Variants in TGM3 observed in about 807,000 individuals in gnomAD.
The protein encoded by TGM3 is transglutaminase 3, also known as protein-glutamine gamma-glutamyltransferase E.
In TGM3, 52 loss-of-function variants were observed where a neutral mutation model predicts 73.8. That is an observed-to-expected ratio of 0.70 (90% CI 0.56 to 0.89). The LOEUF is 0.89. TGM3 is among the 40% of genes least tolerant of loss of function. The pLI is 0.00. For missense variants in TGM3, 928 were observed against 909.9 expected (o/e 1.02, Z -0.26); for synonymous variants, 372 against 354.9 (o/e 1.05, Z -0.54).
At position 2,325,911 on chromosome 20, in the gene TGM3, G is replaced by A. The variant is rs750786507; in HGVS notation, c.1046G>A (p.Gly349Glu). The A allele has an allele frequency of 8.8e-6, 14 of 1,594,882 alleles. 1 individual carries two copies. Among genetic ancestry groups the A allele is most frequent in the Non-Finnish European group, 1.0e-5 (12 of 1,169,632 alleles). Residue 349 changes from glycine (G) to glutamate (E), a missense_variant, in exon 8 of 13, where the codon GGA becomes GAA. Coordinates refer to ENST00000381458, the MANE Select transcript of TGM3 (RefSeq NM_003245.4). The part of the protein sequence containing the change: ...VRSDLGPSYG[G>E]WQVLDATPQE... Reference sequence around the variant, plus strand: ...TCTGACCTGGGCCCCTCGTACGGTGGATGGCAGGTGTTGGATGCTACCCCG... The same window carrying A: ...TCTGACCTGGGCCCCTCGTACGGTGAATGGCAGGTGTTGGATGCTACCCCG...
intron 7 of TGM3, among the ~76,000 whole-genome samples, chr20:2,319,709 C>T (rs1366065466): frequency 6.6e-6 from 1 of 152,124 alleles, no homozygotes; most frequent in Non-Finnish European, 1.5e-5. Context: ...CCCTTCCTCT[C>T]CCCTTTTCTG....
At chr20:2,325,449 G>A (rs1262614238) in intron 7 of TGM3, among the ~76,000 whole-genome samples, 3 of 152,126 alleles carry the variant, frequency 2.0e-5, no homozygotes, top group Admixed American at 6.5e-5. Context: ...AGCATACCCC[G>A]CCAGGCAGAG....
rs77596395 is a variant in TGM3 at position 2,339,850 on chromosome 20, A to G, written c.1801-4A>G. ...CCTGACTCGGCAGCCCCTCTCCCCCATAGGTGCTGAACGAGGCTCGTGTGC... is the reference window on the plus strand; with the variant it reads ...CCTGACTCGGCAGCCCCTCTCCCCCGTAGGTGCTGAACGAGGCTCGTGTGC... On this transcript the variant is annotated splice_polypyrimidine_tract_variant and splice_region_variant and intron_variant, in intron 11 of 12. Transcript: ENST00000381458. 17 of 1,613,850 alleles carry G rather than the reference A, an allele frequency of 1.1e-5. No individual in the cohort carries two copies. Among genetic ancestry groups the G allele is most frequent in the Non-Finnish European group, 1.2e-5 (14 of 1,179,972 alleles).
chr20:2,306,217 CCT>C (rs776787012), intron 1 of TGM3, among the ~76,000 whole-genome samples: 1 of 152,082 alleles, frequency 6.6e-6, no homozygotes, highest in Non-Finnish European at 1.5e-5. Flanking sequence ...GTACCCCGCC[CCT>C]CTTTCCTTAC....
Position 2,339,940 on chromosome 20 carries a change from G to A in TGM3, c.1887G>A (p.Val629=). The A allele has an allele frequency of 6.2e-7, 1 of 1,612,272 alleles. No individual in the cohort carries two copies. The highest frequency in any genetic ancestry group is 8.5e-7 in the Non-Finnish European group (1 of 1,179,090). ...TGGATGAGCCGGTGAGGGACTGCGT[G>A]CTGATGGTGGAGGGAAGCGGCCTGC... ...NPLDEPVRDC[V]LMVEGSGLLL... The change falls in exon 12 of 13, where the codon GTG becomes GTA. Residue 629 remains valine (V), a synonymous_variant. Coordinates refer to ENST00000381458, the MANE Select transcript of TGM3 (RefSeq NM_003245.4).
chr20:2,312,421 A>AG (rs1555794460), intron 4 of TGM3, among the ~76,000 whole-genome samples: 3 of 143,146 alleles, frequency 2.1e-5, no homozygotes, highest in African/African-American at 5.6e-5. Context: ...AAAAAAAAAA[A>AG]GGATGGGAGG....
intron 1 of TGM3, among the ~76,000 whole-genome samples, chr20:2,307,783 C>T (rs1232631751): frequency 6.6e-6 from 1 of 152,102 alleles, no homozygotes; most frequent in Non-Finnish European, 1.5e-5. Flanking sequence ...ATTCACTTTT[C>T]CTTGTAGACT....
intron 1 of TGM3, among the ~76,000 whole-genome samples, chr20:2,298,306 C>A (rs1346497630): frequency 2.0e-5 from 3 of 152,152 alleles, no homozygotes; most frequent in African/African-American, 7.2e-5. Context: ...CACCAAGTGG[C>A]CTGGCATCCC....
chr20:2,310,866 A>C, intron 3 of TGM3, 145 bp from the exon 4 acceptor site: 1 of 696,590 alleles, frequency 1.4e-6, no homozygotes, highest in South Asian at 1.7e-5. Context: ...GAGTTGGAAG[A>C]GTTACAGCCC....
At chr20:2,326,400 G>C (rs905191518) in intron 8 of TGM3, among the ~76,000 whole-genome samples, 1 of 152,164 alleles carries the variant, frequency 6.6e-6, no homozygotes, top group Admixed American at 6.5e-5. Flanking sequence ...TCCCTATCCC[G>C]GGCCTCTGCT....
At chr20:2,336,363 C>T (rs2084351256) in intron 11 of TGM3, among the ~76,000 whole-genome samples, 1 of 152,100 alleles carries the variant, frequency 6.6e-6, no homozygotes, top group Non-Finnish European at 1.5e-5. Flanking sequence ...TGGGCCAGGC[C>T]CTGCCCTCTC....
intron 11 of TGM3, among the ~76,000 whole-genome samples, chr20:2,336,696 G>A (rs143098077): frequency 6.6e-6 from 1 of 151,856 alleles, no homozygotes; most frequent in East Asian, 1.9e-4. Flanking sequence ...TTAGGGGCTA[G>A]AGAGTCAGTG....
intron 8 of TGM3, 28 bp downstream of exon 8, chr20:2,325,980 C>T (rs758724894): frequency 1.2e-4 from 182 of 1,568,532 alleles, no homozygotes; most frequent in Non-Finnish European, 1.4e-4. Context: ...GGTTCTGAGT[C>T]GTGAGCCTCA....
chr20:2,308,083 G>A (rs532334879), intron 1 of TGM3, among the ~76,000 whole-genome samples: 1 of 152,214 alleles, frequency 6.6e-6, no homozygotes, highest in South Asian at 2.1e-4. Flanking sequence ...TTAGCTGGGA[G>A]TGGTGGCTCA....
intron 1 of TGM3, among the ~76,000 whole-genome samples, chr20:2,308,879 CTTTTT>C (rs11308962): frequency 7.0e-6 from 1 of 142,518 alleles, no homozygotes; most frequent in Non-Finnish European, 1.5e-5. Flanking sequence ...CCCTTCAGTT[CTTTTT>C]TTTTTTTTTT....
chr20:2,310,377 A>G lies in TGM3; in HGVS notation c.381A>G (p.Lys127=). The G allele has an allele frequency of 6.2e-7, 1 of 1,614,178 alleles. No homozygotes were observed. Among genetic ancestry groups the G allele is most frequent in the South Asian group, 1.1e-5 (1 of 91,082 alleles). Residue 127 remains lysine, a synonymous_variant, in exon 3 of 13, where the codon AAA becomes AAG. Transcript: ENST00000381458. The part of the protein sequence containing the change: ...IFSQGGISSV[K]LGTFILLFNP... ...CCCAGGGCGGCATCTCCTCTGTGAA[A>G]CTTGGGACGTTCATACTGCTTTTTA...
Position 2,340,716 on chromosome 20 carries a change from CA to C in TGM3, c.*136del. On this transcript the variant is annotated 3_prime_UTR_variant, in exon 13 of 13. Transcript: ENST00000381458. ...CCCAAGGCTGCCAGACATGGACCTC[CA>C]GGCTCCAGCACATCCCCCTCTCCTC... The C allele has an allele frequency of 8.4e-7, 1 of 1,183,846 alleles. No individual in the cohort carries two copies. The highest frequency in any genetic ancestry group is 1.4e-5 in the South Asian group (1 of 73,556). 73.3% of individuals were successfully genotyped at this position (1,183,846 alleles called of 1,614,324 possible).
intron 10 of TGM3, among the ~76,000 whole-genome samples, chr20:2,333,698 A>G (rs1169492239): frequency 6.6e-6 from 1 of 152,204 alleles, no homozygotes; most frequent in Admixed American, 6.5e-5. Context: ...GCCTGGCCAA[A>G]AGAGCTAATT....
chr20:2,307,236 G>A (rs988564092), intron 1 of TGM3, among the ~76,000 whole-genome samples: 1 of 152,112 alleles, frequency 6.6e-6, no homozygotes, highest in African/African-American at 2.4e-5. Flanking sequence ...CTCTCCAGTG[G>A]CAGGTTGGCT....
Sources: gnomAD v4.1 joint callset for allele counts (sites outside exome capture counted in the v4.1 genomes callset) on GRCh38, gnomAD v4.1.1 for gene constraint, MANE v1.5 for transcripts, NCBI Gene and HGNC (gene_info 2026-07-23, HGNC 2026-07-21) for gene names.